The following ZFHX3 variants were observed in gnomAD, a reference collection of about 807,000 sequenced individuals.
ZFHX3 encodes the protein zinc finger homeobox 3.
In ZFHX3, 42 loss-of-function variants were observed where a neutral mutation model predicts 279.1. The observed-to-expected ratio is 0.15, with a 90% confidence interval of 0.12 to 0.19. The LOEUF is 0.19. ZFHX3 is among the 10% of genes least tolerant of loss of function. The pLI, the probability that ZFHX3 is intolerant of heterozygous loss-of-function variation, is 1.00. For missense variants in ZFHX3, 4,981 were observed against 4,754.0 expected (o/e 1.05, Z -1.40); for synonymous variants, 2,293 against 1,957.8 (o/e 1.17, Z -4.52).
intron 3 of ZFHX3, among the ~76,000 whole-genome samples, chr16:73,387,533 G>T (rs1479182252): frequency 6.6e-6 from 1 of 151,846 alleles, no homozygotes; most frequent in East Asian, 1.9e-4. Flanking sequence ...TGTTTTAAAG[G>T]TTATTTTCAT....
chr16:72,923,741 A>G (rs113270179), intron 3 of ZFHX3, among the ~76,000 whole-genome samples: 9 of 74,740 alleles, frequency 1.2e-4, no homozygotes, highest in Non-Finnish European at 2.3e-4. Context: ...GTAGTAGATG[A>G]AGTAGATGAA....
At chr16:73,164,929 C>G (rs1322396799) in intron 5 of ZFHX3, among the ~76,000 whole-genome samples, 2 of 152,184 alleles carry the variant, frequency 1.3e-5, no homozygotes, top group Non-Finnish European at 2.9e-5. Flanking sequence ...ATGTCTGAGT[C>G]AAGATTCGAA....
intron 2 of ZFHX3, among the ~76,000 whole-genome samples, chr16:73,548,180 C>A (rs958460903): frequency 6.6e-6 from 1 of 152,174 alleles, no homozygotes; most frequent in African/African-American, 2.4e-5. Flanking sequence ...AGGAAAAGAT[C>A]CTAAATCAGT....
intron 5 of ZFHX3, among the ~76,000 whole-genome samples, chr16:73,233,561 GGCAAA>G (rs1275590835): frequency 6.6e-6 from 1 of 152,218 alleles, no homozygotes; most frequent in African/African-American, 2.4e-5. Flanking sequence ...TTGGGTTTCT[GGCAAA>G]CGTGCCAGGC....
At chr16:73,748,063 T>C (rs2053720255) in intron 1 of ZFHX3, among the ~76,000 whole-genome samples, 1 of 152,210 alleles carries the variant, frequency 6.6e-6, no homozygotes, top group South Asian at 2.1e-4. Context: ...TAATAGTCTA[T>C]CCAGTGGGTT....
chr16:73,562,219 C>T (rs1567519488), intron 2 of ZFHX3, among the ~76,000 whole-genome samples: 1 of 152,114 alleles, frequency 6.6e-6, no homozygotes, highest in Non-Finnish European at 1.5e-5. Context: ...CTGTCAAAGT[C>T]GTCACTAAAA....
chr16:73,040,025 A>G (rs1253311892), intron 1 of ZFHX3, among the ~76,000 whole-genome samples: 3 of 152,232 alleles, frequency 2.0e-5, no homozygotes, highest in African/African-American at 7.2e-5. Context: ...AGGGTTGATT[A>G]TGTCTGGGCA....
intron 1 of ZFHX3, among the ~76,000 whole-genome samples, chr16:73,041,237 A>T (rs77643531): frequency 0.016 from 2,474 of 152,136 alleles, 67 homozygotes; most frequent in African/African-American, 0.054. Flanking sequence ...TCTGTCACCC[A>T]ATTTTTCCAC....
At chr16:73,698,831 G>A (rs542992721) in intron 1 of ZFHX3, among the ~76,000 whole-genome samples, 2 of 151,896 alleles carry the variant, frequency 1.3e-5, no homozygotes, top group Non-Finnish European at 2.9e-5. Context: ...GATATTAGTG[G>A]AAAAAACCAA....
intron 3 of ZFHX3, among the ~76,000 whole-genome samples, chr16:72,926,855 C>T (rs905395869): frequency 3.9e-5 from 6 of 152,198 alleles, no homozygotes; most frequent in Non-Finnish European, 8.8e-5. Context: ...CCCATCAGAC[C>T]TCCAGATGGC....
intron 1 of ZFHX3, among the ~76,000 whole-genome samples, chr16:73,748,043 A>G (rs975987365): frequency 6.6e-6 from 1 of 152,202 alleles, no homozygotes; most frequent in Admixed American, 6.5e-5. Context: ...AAAGCAAAAG[A>G]TGTTGGGGAT....
At chr16:73,041,230 G>A (rs1965100760) in intron 1 of ZFHX3, among the ~76,000 whole-genome samples, 2 of 152,102 alleles carry the variant, frequency 1.3e-5, no homozygotes, top group African/African-American at 2.4e-5. Context: ...GATTTCCTCT[G>A]TCACCCAATT....
At chr16:73,105,523 G>A (rs1181061739) in intron 7 of ZFHX3, among the ~76,000 whole-genome samples, 4 of 151,152 alleles carry the variant, frequency 2.6e-5, no homozygotes, top group Non-Finnish European at 4.4e-5. Context: ...AGGCAAAGAC[G>A]GGCGGATCAC....
At chr16:73,682,991 A>AAAG (rs1555532226) in intron 1 of ZFHX3, among the ~76,000 whole-genome samples, 2,084 of 42,112 alleles carry the variant, frequency 0.049, 187 homozygotes, top group African/African-American at 0.096. Flanking sequence ...AGAAAGAAAG[A>AAAG]AAAGAAAGAA....
chr16:73,192,143 A>T (rs2144889737), intron 5 of ZFHX3, among the ~76,000 whole-genome samples: 1 of 152,050 alleles, frequency 6.6e-6, no homozygotes, highest in East Asian at 1.9e-4. Context: ...CTCACTTGCT[A>T]CCTTCCCTCC....
rs925964050 is a variant in ZFHX3 at position 73,323,522 on chromosome 16, T to C, written c.-1290-5186A>G. On this transcript the variant is annotated intron_variant, in intron 3 of 17. Transcript: ENST00000641206. ...AAGGAATCGAAGGAAAATAAAGAAA[T>C]GGAAGTAATAAGTATGGACCACTTG... Among the ~76,000 whole-genome samples, 15 of 151,948 alleles carry C rather than the reference T, an allele frequency of 9.9e-5. 1 individual carries two copies. The highest frequency in any genetic ancestry group is 3.2e-3 in the Middle Eastern group (1 of 316).
At chr16:73,712,908 G>C (rs894625098) in intron 1 of ZFHX3, among the ~76,000 whole-genome samples, 1 of 152,194 alleles carries the variant, frequency 6.6e-6, no homozygotes. Context: ...GCGCTAGCTT[G>C]AGGTCCTATG....
At chr16:73,665,028 T>C (rs2052820706) in intron 2 of ZFHX3, among the ~76,000 whole-genome samples, 1 of 152,190 alleles carries the variant, frequency 6.6e-6, no homozygotes. Context: ...TAGTGCCTCT[T>C]GTCTGCTGAA....
upstream of ZFHX3, among the ~76,000 whole-genome samples, chr16:73,064,057 C>G (rs739414): frequency 4.0e-5 from 6 of 151,876 alleles, no homozygotes; most frequent in African/African-American, 1.5e-4. Flanking sequence ...TCCAACTCCA[C>G]GAGGATGGCA....
Sources: allele counts gnomAD v4.1 joint callset (sites outside exome capture counted in the v4.1 genomes callset), GRCh38; gene constraint gnomAD v4.1.1; transcripts MANE v1.5; gene names NCBI Gene and HGNC (gene_info 2026-07-23, HGNC 2026-07-21).